The following GLB1L variants were observed in gnomAD, a reference collection of about 807,000 sequenced individuals.
GLB1L encodes the protein beta-galactosidase-1-like protein.
Under a neutral mutation model 75.7 loss-of-function variants are expected in GLB1L, and 58 were observed. The ratio of observed to expected loss-of-function variants is 0.77; its 90% CI spans 0.62 to 0.95. GLB1L has a LOEUF of 0.95. Ranked by LOEUF, GLB1L falls within the 40% of genes least tolerant of loss-of-function variation. The probability of loss-of-function intolerance (pLI) is 0.00; values close to 1 mark genes in which losing one functional copy is unlikely to be tolerated. For synonymous variants in GLB1L, 296 were observed against 303.0 expected (o/e 0.98, Z 0.24); for missense variants, 797 against 805.5 (o/e 0.99, Z 0.13).
intron 2 of GLB1L, 49 bp from the exon 3 acceptor site, chr2:219,243,363 G>A: frequency 6.3e-7 from 1 of 1,589,746 alleles, no homozygotes; most frequent in East Asian, 2.2e-5. Flanking sequence ...AGGGAGCGTC[G>A]AGGGTCAGCG....
chr2:219,242,960 G>C, intron 3 of GLB1L, 42 bp from the exon 4 acceptor site: 7 of 1,610,846 alleles, frequency 4.3e-6, no homozygotes, highest in Non-Finnish European at 5.9e-6. Context: ...GTGAAGAGAC[G>C]CCAGGGAGGC....
At position 219,239,180 on chromosome 2, in the gene GLB1L, A is replaced by G; in HGVS notation, c.974T>C (p.Ile325Thr). The change falls in exon 11 of 17, where the codon ATT becomes ACT. Residue 325 changes from isoleucine (I) to threonine (T), a missense_variant. Coordinates refer to ENST00000295759, the MANE Select transcript of GLB1L (RefSeq NM_001286423.2). ...GADKKGRFLPITTSYDYDAPI... is the reference protein window; with the variant it reads ...GADKKGRFLPTTTSYDYDAPI... Reference sequence around the variant, plus strand: ...TGCATCATAGTCATAGCTGGTAGTAATCGGAAGGAAGCGTCCCTTCTTATC... The same window carrying G: ...TGCATCATAGTCATAGCTGGTAGTAGTCGGAAGGAAGCGTCCCTTCTTATC... The G allele has an allele frequency of 6.2e-7, 1 of 1,613,858 alleles. No homozygotes were observed. Among genetic ancestry groups the G allele is most frequent in the Non-Finnish European group, 8.5e-7 (1 of 1,179,902 alleles).
Position 219,239,966 on chromosome 2 carries a change from C to T in GLB1L, c.675G>A (p.Lys225=), listed in dbSNP as rs543803080. ...LFTTDGPEGL[K]CGSLRGLYTT... is the part of the protein sequence containing the mutation. ...TATAGAGTCCCCGGAGGGAGCCACACTTGAGTCCTTCAGGCCCATCTGTGG... is the reference window on the plus strand; with the variant it reads ...TATAGAGTCCCCGGAGGGAGCCACATTTGAGTCCTTCAGGCCCATCTGTGG... The change falls in exon 7 of 17, where the codon AAG becomes AAA. Residue 225 remains lysine, a synonymous_variant. Coordinates refer to ENST00000295759, the MANE Select transcript of GLB1L (RefSeq NM_001286423.2). The T allele has an allele frequency of 3.1e-5, 50 of 1,614,132 alleles. No homozygotes were observed. The African/African-American group carries it at 6.0e-4, about 19-fold the overall frequency.
At position 219,240,110 on chromosome 2, in the gene GLB1L, G is replaced by A. The variant is rs767641578; in HGVS notation, c.547-16C>T. 1 of 1,614,182 alleles carries A rather than the reference G, an allele frequency of 6.2e-7. No individual in the cohort carries two copies. Among genetic ancestry groups the A allele is most frequent in the East Asian group, 2.2e-5 (1 of 44,886 alleles). On this transcript the variant is annotated splice_polypyrimidine_tract_variant and intron_variant, in intron 6 of 16. Transcript: ENST00000295759. ...CATTCTCCACCTGCCAGAGGGGAGG[G>A]AAAGTGGAACCCAGCTATGGGATGG... is the stretch of plus-strand genomic sequence containing the variant.
chr2:219,237,053 A>G lies in GLB1L; in HGVS notation c.*19T>C, dbSNP rs1207547892. 1 of 1,574,974 alleles carries G rather than the reference A, an allele frequency of 6.3e-7. No homozygotes were observed. Among genetic ancestry groups the G allele is most frequent in the Non-Finnish European group, 8.7e-7 (1 of 1,149,500 alleles). On this transcript the variant is annotated 3_prime_UTR_variant, in exon 17 of 17. Transcript: ENST00000295759. ...AGTGCTGGGATTACAGGCATGAGCC[A>G]CCATGCCCGGCCTACCTTTCAGTGC...
rs932267470 is a variant in GLB1L, at chr2:219,239,810, T to G, written c.745A>C (p.Thr249Pro). Residue 249 changes from threonine (T) to proline (P), a missense_variant, in exon 8 of 17, where the codon ACC becomes CCC. Physicochemically the swap from Thr to Pro is conservative, Grantham distance 38. Transcript: ENST00000295759. ...TGGGGTTCATACTTCCGAAGCAGGG[T>G]AAAGATTTTGGTCATGTTGTCAGCT... ...GPADNMTKIF[T>P]LLRKYEPHGP... 3.7e-6 allele frequency: 6 copies of G among 1,614,010 alleles called. No homozygotes were observed. Among genetic ancestry groups the G allele is most frequent in the Non-Finnish European group, 5.1e-6 (6 of 1,180,034 alleles).
At chr2:219,244,407 C>G (rs1331116866) in intron 1 of GLB1L, among the ~76,000 whole-genome samples, 1 of 152,144 alleles carries the variant, frequency 6.6e-6, no homozygotes, top group Non-Finnish European at 1.5e-5. Flanking sequence ...AAAACAGGTT[C>G]AGAACCAGGG....
At chr2:219,241,359 A>G (rs893361259) in intron 5 of GLB1L, among the ~76,000 whole-genome samples, 22 of 150,968 alleles carry the variant, frequency 1.5e-4, no homozygotes, top group African/African-American at 5.1e-4. Flanking sequence ...AGCCTGGGTG[A>G]TAGAGCGAGA....
Position 219,240,025 on chromosome 2 carries a change from G to C in GLB1L, c.616C>G (p.Arg206Gly). The change falls in exon 7 of 17, where the codon CGT (arginine) becomes GGT (glycine). Residue 206 changes from arginine (R) to glycine (G), a missense_variant. By Grantham distance (125) the Arg-to-Gly change is moderately radical (BLOSUM62 -2). Coordinates refer to ENST00000295759, the MANE Select transcript of GLB1L (RefSeq NM_001286423.2). ...SYMRHLAGLF[R>G]ALLGEKILLF... Reference sequence around the variant, plus strand: ...AAGATCTTTTCTCCTAGCAGTGCACGGAAGAGCCCAGCCAAGTGCCTCATG... The same window carrying C: ...AAGATCTTTTCTCCTAGCAGTGCACCGAAGAGCCCAGCCAAGTGCCTCATG... 6.2e-7 allele frequency: 1 copy of C among 1,614,016 alleles called. No homozygotes were observed. The highest frequency in any genetic ancestry group is 1.1e-5 in the South Asian group (1 of 91,074).
At position 219,243,266 on chromosome 2, in the gene GLB1L, G is replaced by A. The variant is rs1383337341; in HGVS notation, c.121C>T (p.Leu41=). The A allele has an allele frequency of 3.1e-6, 5 of 1,613,400 alleles. No homozygotes were observed. Among genetic ancestry groups the A allele is most frequent in the African/African-American group, 1.3e-5 (1 of 75,030 alleles). ...VVDRGHDRFL[L]DGAPFRYVSG... The stretch of plus-strand genomic sequence containing the variant: ...ACATAGCGGAACGGGGCCCCGTCTA[G>A]GAGAAACCGGTCATGACCCCTATCC... The change falls in exon 3 of 17, where the codon CTA becomes TTA. Residue 41 remains leucine (L), a synonymous_variant. Coordinates refer to ENST00000295759, the MANE Select transcript of GLB1L (RefSeq NM_001286423.2).
intron 5 of GLB1L, 93 bp from the exon 6 acceptor site, chr2:219,240,378 C>T: frequency 9.8e-7 from 1 of 1,023,888 alleles, no homozygotes; most frequent in Non-Finnish European, 1.6e-6. Flanking sequence ...CAAGAAATTC[C>T]CAACCCTAAG....
At position 219,241,438 on chromosome 2, in the gene GLB1L, G is replaced by GTATATATATATA. The variant is rs1210794187; in HGVS notation, c.451+1075_451+1076insTATATATATATA. On this transcript the variant is annotated intron_variant, in intron 5 of 16. Transcript: ENST00000295759. ...TGTGTGTGTGTGTGTGTGTGTGTGT[G>GTATATATATATA]TGTGTATATATATATATATATATAT... 7.8e-4 allele frequency among the ~76,000 whole-genome samples: 66 copies of GTATATATATATA among 85,150 alleles called. No homozygotes were observed. In the East Asian group the frequency reaches 0.02, roughly 26 times the overall value. 55.9% of individuals were successfully genotyped at this position (85,150 alleles called of 152,430 possible). A position where few individuals can be genotyped will look rare whatever the true frequency, so the allele number is the denominator to read the frequency against.
intron 15 of GLB1L, 40 bp from the exon 16 acceptor site, chr2:219,237,767 TTTGAAGCTAAGTTATCC>T (rs1951286088): frequency 6.2e-7 from 1 of 1,612,874 alleles, no homozygotes; most frequent in Admixed American, 1.7e-5. Flanking sequence ...TTCACTAAGC[TTTGAAGCTAAGTTATCC>T]TTAATCAAGC....
At chr2:219,243,112 T>A (rs1022879364) in intron 3 of GLB1L, 36 bp downstream of exon 3, 3 of 1,572,866 alleles carry the variant, frequency 1.9e-6, no homozygotes. Flanking sequence ...AAAAAGTAGA[T>A]CCCATCCCTC....
intron 5 of GLB1L, among the ~76,000 whole-genome samples, chr2:219,241,311 G>A (rs1951378829): frequency 6.6e-6 from 1 of 151,084 alleles, no homozygotes; most frequent in Non-Finnish European, 1.5e-5. Flanking sequence ...CCTGGGAGGT[G>A]GAGCTTGCAG....
At position 219,243,168 on chromosome 2, in the gene GLB1L, G is replaced by A. The variant is rs1376669724; in HGVS notation, c.219C>T (p.Ser73=). The A allele has an allele frequency of 1.2e-6, 2 of 1,611,186 alleles. No homozygotes were observed. The highest frequency in any genetic ancestry group is 2.2e-5 in the East Asian group (1 of 44,834). Residue 73 remains serine, a synonymous_variant, in exon 3 of 17, where the codon AGC becomes AGT. Transcript: ENST00000295759. ...CTTACAACTGTATGGCGTTGAGGCC[G>A]CTCCATCGCATCTTCAAAAGCCGGT... is the stretch of plus-strand genomic sequence containing the variant. ...WADRLLKMRW[S]GLNAIQFYVP...
At chr2:219,241,599 T>C (rs1951397128) in intron 5 of GLB1L, among the ~76,000 whole-genome samples, 1 of 151,602 alleles carries the variant, frequency 6.6e-6, no homozygotes, top group African/African-American at 2.4e-5. Flanking sequence ...CTGGTGGGTC[T>C]GAAGAACAGC....
rs749356209 is a variant in GLB1L, at chr2:219,242,905, T to G, written c.253A>C (p.Asn85His). 2.5e-6 allele frequency: 4 copies of G among 1,614,140 alleles called. No individual in the cohort carries two copies. Among genetic ancestry groups the G allele is most frequent in the Non-Finnish European group, 2.5e-6 (3 of 1,180,010 alleles). Residue 85 changes from asparagine to histidine, a missense_variant, in exon 4 of 17, where the codon AAC becomes CAC. Physicochemically the swap from Asn to His is moderately conservative, Grantham distance 68. Coordinates refer to ENST00000295759, the MANE Select transcript of GLB1L (RefSeq NM_001286423.2). ...ACCCCAGGCTGTGGCTCGTGGTAGTTCCAGGGCACATAACTGAGAAAGGAA... is the reference window on the plus strand; with the variant it reads ...ACCCCAGGCTGTGGCTCGTGGTAGTGCCAGGGCACATAACTGAGAAAGGAA... ...LNAIQFYVPW[N>H]YHEPQPGVYN...
At position 219,239,431 on chromosome 2, in the gene GLB1L, G is replaced by C; in HGVS notation, c.923C>G (p.Thr308Ser). ...CTCACCATTCCAATATCCAAAGTTG[G>C]TACCTCCATGGAACATGTACCTGAA... ...SVNMYMFHGG[T>S]NFGYWNGADK... Residue 308 changes from threonine to serine, a missense_variant, in exon 10 of 17, where the codon ACC (threonine) becomes AGC (serine). Transcript: ENST00000295759. The C allele has an allele frequency of 6.2e-7, 1 of 1,604,166 alleles. No homozygotes were observed. Among genetic ancestry groups the C allele is most frequent in the Non-Finnish European group, 8.5e-7 (1 of 1,174,346 alleles).
Sources: allele counts gnomAD v4.1 joint callset (sites outside exome capture counted in the v4.1 genomes callset), GRCh38; gene constraint gnomAD v4.1.1; transcripts MANE v1.5; gene names NCBI Gene and HGNC (gene_info 2026-07-23, HGNC 2026-07-21).